GSE1: variants seen among roughly 807,000 people sequenced by gnomAD.
GSE1 encodes Gse1 coiled-coil protein, also known as genetic suppressor element 1.
Under a neutral mutation model 112.6 loss-of-function variants are expected in GSE1, and 32 were observed. That is an observed-to-expected ratio of 0.28 (90% CI 0.21 to 0.38). The LOEUF is 0.38. Ranked by LOEUF, GSE1 falls within the 10% of genes least tolerant of loss-of-function variation. The probability of loss-of-function intolerance (pLI) is 1.00; values close to 1 mark genes in which losing one functional copy is unlikely to be tolerated. For missense variants in GSE1, 2,348 were observed against 1,699.2 expected, an observed-to-expected ratio of 1.38 and a Z score of -6.71; for synonymous variants, 1,115 against 735.6, an observed-to-expected ratio of 1.52 and a Z score of -8.35.
chr16:85,255,711 C>T (rs962401812), intron 1 of GSE1, among the ~76,000 whole-genome samples: 2 of 151,994 alleles, frequency 1.3e-5, no homozygotes, highest in Non-Finnish European at 2.9e-5. Context: ...CCAGTCAGTG[C>T]CTACTTTTCT....
At chr16:85,471,205 G>A (rs1047057331) in intron 2 of GSE1, among the ~76,000 whole-genome samples, 1 of 152,222 alleles carries the variant, frequency 6.6e-6, no homozygotes, top group Non-Finnish European at 1.5e-5. Context: ...AAGAGGCTGG[G>A]CTCTCAGCAT....
rs1161576209 is a variant in GSE1 at position 85,179,222 on chromosome 16, G to A, written c.2283+7415G>A. Reference sequence around the variant, plus strand: ...GCCCTCTGTCTTTATGGATCTGCCCGTTCTGGTCGTCTCTTGTGAGTGGAA... The same window carrying A: ...GCCCTCTGTCTTTATGGATCTGCCCATTCTGGTCGTCTCTTGTGAGTGGAA... On this transcript the variant is annotated intron_variant, in intron 1 of 2. Coordinates refer to the GSE1 transcript ENST00000637419. 5.3e-5 allele frequency among the ~76,000 whole-genome samples: 8 copies of A among 152,220 alleles called. No individual in the cohort carries two copies. The East Asian group carries it at 9.7e-4, about 18-fold the overall frequency.
chr16:85,178,041 C>T (rs1462310096), intron 1 of GSE1, among the ~76,000 whole-genome samples: 3 of 152,228 alleles, frequency 2.0e-5, no homozygotes, highest in Non-Finnish European at 4.4e-5. Flanking sequence ...GCTATGACAT[C>T]AGGCATCCCC....
chr16:85,206,112 G>A (rs992759980), intron 1 of GSE1, among the ~76,000 whole-genome samples: 2 of 152,084 alleles, frequency 1.3e-5, no homozygotes, highest in East Asian at 1.9e-4. Flanking sequence ...GGCATCTGCC[G>A]GGGGTGCTGG....
intron 2 of GSE1, among the ~76,000 whole-genome samples, chr16:85,493,519 C>G (rs1025577131): frequency 6.6e-6 from 1 of 151,924 alleles, no homozygotes; most frequent in East Asian, 1.9e-4. Flanking sequence ...TTTGGGAGGC[C>G]GAGGCAGGCG....
chr16:85,200,039 T>G (rs376488359), intron 1 of GSE1, among the ~76,000 whole-genome samples: 76 of 152,330 alleles, frequency 5.0e-4, no homozygotes, highest in Admixed American at 3.1e-3. Context: ...AGCTGTGGGC[T>G]GTCACCCTGC....
At chr16:85,663,669 C>G (rs1169088458) in intron 11 of GSE1, 55 bp downstream of exon 11, 2 of 1,553,094 alleles carry the variant, frequency 1.3e-6, no homozygotes, top group Admixed American at 1.9e-5. Flanking sequence ...AAGTGGGTTT[C>G]TGAAGCAGCA....
intron 2 of GSE1, among the ~76,000 whole-genome samples, chr16:85,503,088 C>T (rs1002917180): frequency 6.6e-6 from 1 of 152,280 alleles, no homozygotes; most frequent in East Asian, 1.9e-4. Flanking sequence ...GAGGGGTGCC[C>T]CGGGCAGAGG....
rs750262935 is a variant in GSE1, at chr16:85,251,335, C to T, written c.2283+79528C>T. Among the ~76,000 whole-genome samples the T allele has an allele frequency of 4.6e-5, 7 of 152,376 alleles. No individual in the cohort carries two copies. In the South Asian group the frequency reaches 1.0e-3, roughly 23 times the overall value. On this transcript the variant is annotated intron_variant, in intron 1 of 2. Coordinates refer to the GSE1 transcript ENST00000637419. ...GACTCATGTCTGTTTTCTCCACCAC[C>T]GTGTCCCAGCACCCAGCACAAATAA...
At chr16:85,497,691 T>C (rs1567537556) in intron 2 of GSE1, among the ~76,000 whole-genome samples, 1 of 152,152 alleles carries the variant, frequency 6.6e-6, no homozygotes, top group Non-Finnish European at 1.5e-5. Flanking sequence ...CATAATGTCC[T>C]ATGCATGGTC....
chr16:85,410,342 TCCTC>T (rs2048483005), intron 2 of GSE1, among the ~76,000 whole-genome samples: 1 of 54,122 alleles, frequency 1.8e-5, no homozygotes, highest in Non-Finnish European at 3.1e-5. Flanking sequence ...CCCTGGATAA[TCCTC>T]ACTGTTACAC....
intron 2 of GSE1, among the ~76,000 whole-genome samples, chr16:85,513,570 C>A (rs1408353539): frequency 1.3e-5 from 2 of 152,210 alleles, no homozygotes; most frequent in Non-Finnish European, 2.9e-5. Flanking sequence ...CCAGGCTTCA[C>A]TGGGCCAGCC....
chr16:85,192,960 G>A (rs944972800), intron 1 of GSE1, among the ~76,000 whole-genome samples: 3 of 152,212 alleles, frequency 2.0e-5, no homozygotes, highest in African/African-American at 7.2e-5. Flanking sequence ...CCAACCTGGC[G>A]TCTGGCCGAC....
intron 2 of GSE1, among the ~76,000 whole-genome samples, chr16:85,371,940 T>C (rs1024038176): frequency 6.6e-6 from 1 of 152,130 alleles, no homozygotes; most frequent in Non-Finnish European, 1.5e-5. Context: ...CAGGCAGCCC[T>C]GGCTGAAGGA....
chr16:85,666,139 C>G lies in GSE1; in HGVS notation c.2922C>G (p.Ala974=). ...TAGCTCCTGCCAGCGGGGAGAAGGC[C>G]AGGCTGAGCGAGGCCCCTGGAGGCA... ...QELAPASGEK[A]RLSEAPGGKK... Residue 974 remains alanine, a synonymous_variant, in exon 13 of 16, where the codon GCC becomes GCG. Transcript: ENST00000253458. The G allele has an allele frequency of 6.2e-7, 1 of 1,613,360 alleles. No individual in the cohort carries two copies. The highest frequency in any genetic ancestry group is 8.5e-7 in the Non-Finnish European group (1 of 1,179,998).
chr16:85,228,474 C>T (rs1422060292), intron 1 of GSE1, among the ~76,000 whole-genome samples: 2 of 152,186 alleles, frequency 1.3e-5, no homozygotes, highest in African/African-American at 4.8e-5. Context: ...GGTTTGAACC[C>T]CCACCCTGCT....
intron 2 of GSE1, among the ~76,000 whole-genome samples, chr16:85,386,894 C>T (rs997387753): frequency 9.9e-5 from 15 of 152,282 alleles, no homozygotes; most frequent in African/African-American, 3.6e-4. Flanking sequence ...CTTGGGGTGG[C>T]CCTGGCTGCT....
Position 85,344,425 on chromosome 16 carries a change from G to A in GSE1, c.2284-13038G>A, listed in dbSNP as rs983832324. On this transcript the variant is annotated intron_variant, in intron 1 of 2. Coordinates refer to the GSE1 transcript ENST00000637419. Reference sequence around the variant, plus strand: ...GCTGACTGCCCGAAGCTCCCAGGACGACAGCAGCCCTTGTTTCGGGGCTGA... The same window carrying A: ...GCTGACTGCCCGAAGCTCCCAGGACAACAGCAGCCCTTGTTTCGGGGCTGA... Among the ~76,000 whole-genome samples the A allele has an allele frequency of 5.3e-5, 8 of 152,340 alleles. No homozygotes were observed. The East Asian group carries it at 5.8e-4, about 11-fold the overall frequency.
At chr16:85,650,834 C>T (rs1356852163) in intron 3 of GSE1, among the ~76,000 whole-genome samples, 1 of 151,720 alleles carries the variant, frequency 6.6e-6, no homozygotes, top group Admixed American at 6.5e-5. Flanking sequence ...GTCTCCGAGG[C>T]TGCGGACGTG....
Sources: allele counts gnomAD v4.1 joint callset (sites outside exome capture counted in the v4.1 genomes callset), GRCh38; gene constraint gnomAD v4.1.1; transcripts MANE v1.5; gene names NCBI Gene and HGNC (gene_info 2026-07-23, HGNC 2026-07-21).